The following BMERB1 variants were observed in gnomAD, a reference collection of about 807,000 sequenced individuals.
BMERB1 encodes the protein bMERB domain containing 1, also known as bMERB domain-containing protein 1.
A neutral mutation model predicts 23.6 loss-of-function variants in BMERB1; 12 were observed. That is an observed-to-expected ratio of 0.51 (90% CI 0.33 to 0.82). The LOEUF (loss-of-function observed/expected upper bound fraction) is 0.82. Among genes scored for constraint, BMERB1 ranks in the 40% least tolerant of loss-of-function variants. The pLI is 0.03. For missense variants in BMERB1, 247 were observed against 255.4 expected (o/e 0.97, Z 0.22); for synonymous variants, 122 against 96.6 (o/e 1.26, Z -1.54).
chr16:15,477,577 G>A (rs1395902449), intron 1 of BMERB1, among the ~76,000 whole-genome samples: 1 of 152,170 alleles, frequency 6.6e-6, no homozygotes, highest in Non-Finnish European at 1.5e-5. Context: ...GCTGCAGTGA[G>A]CCATGATCGT....
At chr16:15,515,224 T>G in intron 1 of BMERB1, 81 bp from the exon 2 acceptor site, 2 of 1,592,960 alleles carry the variant, frequency 1.3e-6, no homozygotes, top group South Asian at 1.1e-5. Context: ...AGAGCAAGGC[T>G]GTGCCCTGGA....
intron 3 of BMERB1, among the ~76,000 whole-genome samples, chr16:15,575,066 A>G (rs1243512662): frequency 1.3e-5 from 2 of 152,142 alleles, no homozygotes; most frequent in African/African-American, 4.8e-5. Context: ...GCGACAAAGC[A>G]AGACTCTGCC....
chr16:15,497,657 T>G (rs1477395244), intron 1 of BMERB1, among the ~76,000 whole-genome samples: 1 of 152,228 alleles, frequency 6.6e-6, no homozygotes, highest in African/African-American at 2.4e-5. Flanking sequence ...ATTGGCATTT[T>G]TTTCCACTGT....
intron 1 of BMERB1, among the ~76,000 whole-genome samples, chr16:15,449,045 C>T (rs1017198775): frequency 2.0e-5 from 3 of 152,080 alleles, no homozygotes; most frequent in Non-Finnish European, 4.4e-5. Context: ...GAGTAAGTCA[C>T]GTCTTTCTGA....
At chr16:15,563,184 C>A (rs1274139339) in intron 2 of BMERB1, among the ~76,000 whole-genome samples, 3 of 152,090 alleles carry the variant, frequency 2.0e-5, no homozygotes, top group African/African-American at 7.2e-5. Flanking sequence ...GAGTTGGCAA[C>A]CAGCTTGGGC....
intron 2 of BMERB1, among the ~76,000 whole-genome samples, chr16:15,526,873 C>G (rs953816393): frequency 6.7e-6 from 1 of 148,518 alleles, no homozygotes; most frequent in African/African-American, 2.5e-5. Context: ...AAAATAACTG[C>G]TTTATTATTC....
At chr16:15,435,929 T>G (rs1425318941) in intron 1 of BMERB1, among the ~76,000 whole-genome samples, 2 of 152,160 alleles carry the variant, frequency 1.3e-5, no homozygotes, top group Non-Finnish European at 2.9e-5. Context: ...TCCTTTTCTT[T>G]TTTTTTCTCC....
At chr16:15,580,122 G>C (rs1180365644) in intron 3 of BMERB1, among the ~76,000 whole-genome samples, 1 of 150,772 alleles carries the variant, frequency 6.6e-6, no homozygotes, top group Non-Finnish European at 1.5e-5. Flanking sequence ...TAAGAGACAG[G>C]GTCTTTCTCT....
chr16:15,466,728 G>A (rs751181955), intron 1 of BMERB1, among the ~76,000 whole-genome samples: 1 of 151,944 alleles, frequency 6.6e-6, no homozygotes, highest in Non-Finnish European at 1.5e-5. Context: ...GTCTGTGTGT[G>A]TGTGTGTGTG....
chr16:15,459,107 C>T (rs1001167784), intron 1 of BMERB1, among the ~76,000 whole-genome samples: 10 of 151,886 alleles, frequency 6.6e-5, no homozygotes, highest in Non-Finnish European at 1.5e-4. Flanking sequence ...GACTCTGTCT[C>T]AAGAAACAAA....
At chr16:15,522,407 A>G (rs751515166) in intron 2 of BMERB1, among the ~76,000 whole-genome samples, 17 of 151,640 alleles carry the variant, frequency 1.1e-4, no homozygotes, top group Non-Finnish European at 2.2e-4. Flanking sequence ...AAATGGGGTA[A>G]TAGTGCATGC....
chr16:15,489,150 G>A (rs1411154133), intron 1 of BMERB1, among the ~76,000 whole-genome samples: 3 of 152,152 alleles, frequency 2.0e-5, no homozygotes, highest in South Asian at 2.1e-4. Context: ...AACACAGTGA[G>A]CACCTTAGGC....
chr16:15,479,635 C>T (rs2150934712), intron 1 of BMERB1, among the ~76,000 whole-genome samples: 1 of 152,124 alleles, frequency 6.6e-6, no homozygotes, highest in Non-Finnish European at 1.5e-5. Flanking sequence ...AACATAGAAG[C>T]AGATATAAGA....
At chr16:15,437,470 C>T (rs1393641381) in intron 1 of BMERB1, among the ~76,000 whole-genome samples, 3 of 152,158 alleles carry the variant, frequency 2.0e-5, no homozygotes, top group Non-Finnish European at 4.4e-5. Context: ...ATAGACAGAA[C>T]CTGCTTTTAC....
At chr16:15,538,594 A>G (rs1050703249) in intron 2 of BMERB1, among the ~76,000 whole-genome samples, 1 of 152,190 alleles carries the variant, frequency 6.6e-6, no homozygotes, top group African/African-American at 2.4e-5. Flanking sequence ...GTTATTCCAG[A>G]GGAAAATTCC....
At chr16:15,446,543 T>C (rs1327276817) in intron 1 of BMERB1, among the ~76,000 whole-genome samples, 1 of 152,202 alleles carries the variant, frequency 6.6e-6, no homozygotes, top group Non-Finnish European at 1.5e-5. Context: ...CATTTATTGT[T>C]CTATTTACAG....
chr16:15,536,883 T>A (rs749419641), intron 2 of BMERB1: 5 of 152,230 alleles, frequency 3.3e-5, no homozygotes, highest in African/African-American at 4.8e-5. Context: ...TGCTTATAGA[T>A]GACTCATCTT....
intron 2 of BMERB1, among the ~76,000 whole-genome samples, chr16:15,530,061 G>A (rs2051951984): frequency 6.6e-6 from 1 of 152,076 alleles, no homozygotes. Flanking sequence ...TGCATTTCTT[G>A]GCTTGTGTTT....
intron 1 of BMERB1, among the ~76,000 whole-genome samples, chr16:15,510,954 G>A (rs1275805413): frequency 2.6e-5 from 4 of 151,922 alleles, no homozygotes; most frequent in Admixed American, 2.0e-4. Context: ...CGCCCGCTTC[G>A]GCCTCTCAAA....
Sources: gnomAD v4.1 joint callset for allele counts (sites outside exome capture counted in the v4.1 genomes callset) on GRCh38, gnomAD v4.1.1 for gene constraint, MANE v1.5 for transcripts, NCBI Gene and HGNC (gene_info 2026-07-23, HGNC 2026-07-21) for gene names.